The following PRORP variants were observed in gnomAD, a reference collection of about 807,000 sequenced individuals.
The protein encoded by PRORP is protein only RNase P catalytic subunit, also known as mitochondrial ribonuclease P catalytic subunit.
A neutral mutation model predicts 59.4 loss-of-function variants in PRORP; 51 were observed. That is an observed-to-expected ratio of 0.86 (90% confidence interval 0.69 to 1.08). PRORP has a LOEUF of 1.08. Among genes scored for constraint, PRORP ranks in the 50% least tolerant of loss-of-function variants. The pLI is 0.00. For synonymous variants in PRORP, 231 were observed against 245.6 expected, an observed-to-expected ratio of 0.94 and a Z score of 0.55; for missense variants, 646 against 690.3, an observed-to-expected ratio of 0.94 and a Z score of 0.72.
chr14:35,173,815 A>T (rs1439143410), intron 4 of PRORP, among the ~76,000 whole-genome samples: 1 of 152,022 alleles, frequency 6.6e-6, no homozygotes, highest in Non-Finnish European at 1.5e-5. Flanking sequence ...GGGGTTGATG[A>T]GACTCAATTG....
At chr14:35,177,425 G>A (rs1047033262) in intron 4 of PRORP, among the ~76,000 whole-genome samples, 9 of 152,142 alleles carry the variant, frequency 5.9e-5, no homozygotes, top group Non-Finnish European at 1.3e-4. Context: ...TTCAGATCCT[G>A]TTATTGGTCT....
intron 5 of PRORP, among the ~76,000 whole-genome samples, chr14:35,232,964 C>T (rs1358000189): frequency 6.6e-5 from 10 of 152,182 alleles, no homozygotes; most frequent in African/African-American, 1.9e-4. Context: ...TGAGCCACTG[C>T]GCCCAGCCCT....
In PRORP at chr14:35,253,353, GA is replaced by G. The variant is rs1566528567; in HGVS notation, c.1276-13373del. On this transcript the variant is annotated intron_variant, in intron 5 of 7. Coordinates refer to ENST00000534898, the MANE Select transcript of PRORP (RefSeq NM_014672.4). ...TTTCAAAAAAAAAAAAAGAGAGAGA[GA>G]GAGAAAGAAAGAAAGAAAGAAAAGA... 8.3e-5 allele frequency among the ~76,000 whole-genome samples: 12 copies of G among 143,756 alleles called. No homozygotes were observed. In the East Asian group the frequency reaches 2.2e-3, roughly 27 times the overall value. 94.3% of individuals were successfully genotyped at this position (143,756 alleles called of 152,430 possible).
At chr14:35,187,769 A>G (rs2139069079) in intron 5 of PRORP, among the ~76,000 whole-genome samples, 1 of 152,164 alleles carries the variant, frequency 6.6e-6, no homozygotes, top group African/African-American at 2.4e-5. Flanking sequence ...TTAATGATGC[A>G]TGATGTTGAA....
At chr14:35,186,087 AC>A (rs962702086) in intron 5 of PRORP, among the ~76,000 whole-genome samples, 1 of 149,988 alleles carries the variant, frequency 6.7e-6, no homozygotes, top group Non-Finnish European at 1.5e-5. Context: ...GGCTCAAGAC[AC>A]CCCCCAACCT....
At chr14:35,125,023 G>A (rs2047063692) in intron 2 of PRORP, among the ~76,000 whole-genome samples, 1 of 151,790 alleles carries the variant, frequency 6.6e-6, no homozygotes, top group African/African-American at 2.4e-5. Flanking sequence ...ACCATGCCCT[G>A]CTAATTTTCT....
chr14:35,122,195 TCTC>T (rs2046931506), upstream of PRORP: 1 of 543,128 alleles, frequency 1.8e-6, no homozygotes, highest in Non-Finnish European at 3.3e-6. Context: ...GGAAAATGGT[TCTC>T]CTTCAGAGGC....
intron 5 of PRORP, among the ~76,000 whole-genome samples, chr14:35,204,378 GTTTC>G (rs1345278489): frequency 6.6e-6 from 1 of 152,154 alleles, no homozygotes; most frequent in Non-Finnish European, 1.5e-5. Flanking sequence ...ATACTGTTCA[GTTTC>G]TTTAATGAAT....
chr14:35,178,871 G>T (rs1163452900), intron 4 of PRORP, among the ~76,000 whole-genome samples: 1 of 152,118 alleles, frequency 6.6e-6, no homozygotes, highest in Non-Finnish European at 1.5e-5. Flanking sequence ...TTTTGCAGTG[G>T]CTGGTACCGG....
intron 4 of PRORP, among the ~76,000 whole-genome samples, chr14:35,152,093 C>T (rs1344359931): frequency 1.3e-5 from 2 of 152,172 alleles, no homozygotes; most frequent in African/African-American, 4.8e-5. Flanking sequence ...TCCGCAGTGT[C>T]TGTGTCCCTG....
At chr14:35,201,664 CTG>C (rs1377727034) in intron 5 of PRORP, among the ~76,000 whole-genome samples, 4 of 147,996 alleles carry the variant, frequency 2.7e-5, no homozygotes, top group Non-Finnish European at 5.9e-5. Context: ...TATTTAGAGA[CTG>C]AGTCTCACTC....
At chr14:35,200,486 G>A (rs1051044402) in intron 5 of PRORP, among the ~76,000 whole-genome samples, 3 of 151,966 alleles carry the variant, frequency 2.0e-5, no homozygotes, top group East Asian at 1.9e-4. Context: ...CACCGCGCCC[G>A]GCCTAAGTAT....
At chr14:35,232,028 A>G (rs766875177) in intron 5 of PRORP, among the ~76,000 whole-genome samples, 1 of 152,208 alleles carries the variant, frequency 6.6e-6, no homozygotes, top group Non-Finnish European at 1.5e-5. Flanking sequence ...AAAACAGCTT[A>G]TACCATGGTA....
intron 4 of PRORP, chr14:35,158,686 GTT>G (rs2047982187): frequency 2.5e-6 from 1 of 401,074 alleles, no homozygotes; most frequent in Non-Finnish European, 4.9e-6. Flanking sequence ...TATCAATGTA[GTT>G]GATGACGAGC....
At chr14:35,253,766 AT>A (rs2050677742) in intron 5 of PRORP, among the ~76,000 whole-genome samples, 1 of 151,936 alleles carries the variant, frequency 6.6e-6, no homozygotes, top group Non-Finnish European at 1.5e-5. Context: ...AATGCTCCTT[AT>A]AGTCTCTTTC....
Position 35,273,662 on chromosome 14 carries a change from C to A in PRORP, c.*96C>A. On this transcript the variant is annotated 3_prime_UTR_variant, in exon 8 of 8. Coordinates refer to ENST00000534898, the MANE Select transcript of PRORP (RefSeq NM_014672.4). ...TGTTTGTTTAGGGCATTGCCTCTGTCCTGAAGATAAAAGGATTCTATTAAC... is the reference window on the plus strand; with the variant it reads ...TGTTTGTTTAGGGCATTGCCTCTGTACTGAAGATAAAAGGATTCTATTAAC... The A allele has an allele frequency of 9.0e-7, 1 of 1,115,822 alleles. No individual in the cohort carries two copies. Among genetic ancestry groups the A allele is most frequent in the Non-Finnish European group, 1.2e-6 (1 of 803,340 alleles). 69.1% of individuals were successfully genotyped at this position (1,115,822 alleles called of 1,614,324 possible).
At position 35,256,067 on chromosome 14, in the gene PRORP, C is replaced by T. The variant is rs539614420; in HGVS notation, c.1276-10660C>T. 9.9e-5 allele frequency among the ~76,000 whole-genome samples: 15 copies of T among 151,716 alleles called. 1 individual carries two copies. The East Asian group carries it at 2.0e-3, about 20-fold the overall frequency. ...TTGGGAGGCCAAGGAGGGCGGATCA[C>T]GAGGTCAGGAGTTTGAGACCAGCCT... On this transcript the variant is annotated intron_variant, in intron 5 of 7. Coordinates refer to ENST00000534898, the MANE Select transcript of PRORP (RefSeq NM_014672.4).
chr14:35,230,244 G>T (rs549190363), intron 5 of PRORP, among the ~76,000 whole-genome samples: 2 of 151,968 alleles, frequency 1.3e-5, no homozygotes, highest in African/African-American at 2.4e-5. Flanking sequence ...GTAGAAACGG[G>T]TTTCGCCATG....
In PRORP at chr14:35,244,132, A is replaced by G. The variant is rs151208996; in HGVS notation, c.1276-22595A>G. ...CCACTTTCTGTGTCCCATTTCTGCC[A>G]AGAAAAGCAGAAGTAAGGGAGATGT... is the stretch of plus-strand genomic sequence containing the variant. On this transcript the variant is annotated intron_variant, in intron 5 of 7. Coordinates refer to ENST00000534898, the MANE Select transcript of PRORP (RefSeq NM_014672.4). 2.5e-3 allele frequency among the ~76,000 whole-genome samples: 381 copies of G among 152,322 alleles called. 1 individual carries two copies. The highest frequency in any genetic ancestry group is 8.7e-3 in the African/African-American group (361 of 41,580).
Sources: allele counts gnomAD v4.1 joint callset (sites outside exome capture counted in the v4.1 genomes callset), GRCh38; gene constraint gnomAD v4.1.1; transcripts MANE v1.5; gene names NCBI Gene and HGNC (gene_info 2026-07-23, HGNC 2026-07-21).